CARM1: variants seen among roughly 807,000 people sequenced by gnomAD.
CARM1 encodes coactivator associated arginine methyltransferase 1.
CARM1 carries 14 observed loss-of-function variants against 72.7 expected under a neutral mutation model. The observed-to-expected ratio is 0.19, with a 90% CI of 0.13 to 0.30. The LOEUF is 0.30. Among genes scored for constraint, CARM1 ranks in the 10% least tolerant of loss-of-function variants. The pLI is 1.00. For missense variants in CARM1, 432 were observed against 833.7 expected, an observed-to-expected ratio of 0.52 and a Z score of 5.93; for synonymous variants, 333 against 345.5, an observed-to-expected ratio of 0.96 and a Z score of 0.40.
chr19:10,887,318 C>T (rs528066425), intron 1 of CARM1, among the ~76,000 whole-genome samples: 17 of 152,224 alleles, frequency 1.1e-4, no homozygotes, highest in Non-Finnish European at 1.2e-4. Flanking sequence ...GCCAGGGTCC[C>T]GTCTCCCCTG....
At chr19:10,884,896 G>T (rs892764110) in intron 1 of CARM1, among the ~76,000 whole-genome samples, 3 of 152,076 alleles carry the variant, frequency 2.0e-5, no homozygotes, top group African/African-American at 4.8e-5. Flanking sequence ...GTAGAGACGG[G>T]GTTTCACCCA....
chr19:10,898,927 G>A (rs577859476), intron 1 of CARM1, among the ~76,000 whole-genome samples: 94 of 152,114 alleles, frequency 6.2e-4, no homozygotes, highest in Non-Finnish European at 1.1e-3. Context: ...AGGGTTGAGT[G>A]TGTCCATGGG....
Position 10,921,834 on chromosome 19 carries a change from C to G in CARM1, c.*77C>G. Reference sequence around the variant, plus strand: ...CGCCGCCCCCGCCGGGCGGCTTTCCCCCTTGTACTGGAGAAGCTCGAACAC... The same window carrying G: ...CGCCGCCCCCGCCGGGCGGCTTTCCGCCTTGTACTGGAGAAGCTCGAACAC... On this transcript the variant is annotated 3_prime_UTR_variant, in exon 16 of 16. Coordinates refer to ENST00000327064, the MANE Select transcript of CARM1 (RefSeq NM_199141.2). The G allele has an allele frequency of 7.0e-7, 1 of 1,424,832 alleles. No individual in the cohort carries two copies. Among genetic ancestry groups the G allele is most frequent in the South Asian group, 1.4e-5 (1 of 73,810 alleles). 88.3% of individuals were successfully genotyped at this position (1,424,832 alleles called of 1,614,324 possible). A position where few individuals can be genotyped will look rare whatever the true frequency, so the allele number is the denominator to read the frequency against.
At chr19:10,893,251 G>T (rs1311035658) in intron 1 of CARM1, among the ~76,000 whole-genome samples, 1 of 151,800 alleles carries the variant, frequency 6.6e-6, no homozygotes, top group Admixed American at 6.6e-5. Context: ...TGGCCAGGCT[G>T]GTCTCGAGCT....
intron 1 of CARM1, among the ~76,000 whole-genome samples, chr19:10,873,423 G>A (rs1232137342): frequency 1.3e-5 from 2 of 151,610 alleles, no homozygotes; most frequent in East Asian, 2.0e-4. Context: ...GTGAAACCCC[G>A]TCTCTACTAA....
Position 10,882,123 on chromosome 19 carries a change from G to C in CARM1, c.220+10201G>C, listed in dbSNP as rs115374461. On this transcript the variant is annotated intron_variant, in intron 1 of 15. Transcript: ENST00000327064. ...TGTGCCTCAGTTTCCTTGGCTGTCA[G>C]TTGTGGATCTTGACATCGTCTACCC... is the stretch of plus-strand genomic sequence containing the variant. 1.7e-3 allele frequency among the ~76,000 whole-genome samples: 260 copies of C among 152,330 alleles called. 2 individuals carry two copies. The highest frequency in any genetic ancestry group is 6.0e-3 in the African/African-American group (251 of 41,568).
chr19:10,898,656 C>T (rs1425465902), intron 1 of CARM1, among the ~76,000 whole-genome samples: 2 of 152,242 alleles, frequency 1.3e-5, no homozygotes, highest in Admixed American at 6.5e-5. Context: ...GGCAGGGCTG[C>T]ATCTGTGGCG....
At chr19:10,888,721 C>T (rs1355947484) in intron 1 of CARM1, among the ~76,000 whole-genome samples, 1 of 152,202 alleles carries the variant, frequency 6.6e-6, no homozygotes, top group Non-Finnish European at 1.5e-5. Flanking sequence ...AACCCCAGCT[C>T]ACATCTGCTG....
chr19:10,895,224 C>T (rs750503488), intron 1 of CARM1, among the ~76,000 whole-genome samples: 2 of 152,212 alleles, frequency 1.3e-5, no homozygotes, highest in African/African-American at 4.8e-5. Context: ...CGTGCCTCAG[C>T]CTCCCAAGTA....
At position 10,912,232 on chromosome 19, in the gene CARM1, G is replaced by A. The variant is rs768673985; in HGVS notation, c.607G>A (p.Ala203Thr). ...CTCTGGGATCCTGTCGTTTTTTGCC[G>A]CCCAAGCTGGAGCACGGAAAATCTA... ...CGSGILSFFAAQAGARKIYAV... is the reference protein window; with the variant it reads ...CGSGILSFFATQAGARKIYAV... The change falls in exon 5 of 16, where the codon GCC becomes ACC. Residue 203 changes from alanine to threonine, a missense_variant. By Grantham distance (58) the Ala-to-Thr change is moderately conservative. Around this residue, in one of 3 missense-constraint regions of CARM1, gnomAD observed 152 missense variants for 452.8 expected, o/e 0.34. Transcript: ENST00000327064. The surrounding 1 kb of genome is among the most constrained non-coding windows in gnomAD (Gnocchi z 4.5). The A allele has an allele frequency of 2.5e-6, 4 of 1,613,484 alleles. No homozygotes were observed. The highest frequency in any genetic ancestry group is 1.3e-5 in the African/African-American group (1 of 74,854).
chr19:10,872,059 G>A (rs1245962544), intron 1 of CARM1, 137 bp downstream of exon 1: 6 of 725,010 alleles, frequency 8.3e-6, no homozygotes, highest in Non-Finnish European at 1.1e-5. Context: ...GGCCTGCAGG[G>A]AGCGACCGTG....
chr19:10,916,520 G>T lies in CARM1; in HGVS notation c.938+23G>T. On this transcript the variant is annotated intron_variant, in intron 7 of 15. Transcript: ENST00000327064. The surrounding 1 kb of genome is among the most constrained non-coding windows in gnomAD (Gnocchi z 4.4). The stretch of plus-strand genomic sequence containing the variant: ...CTGGTGAGTGTGCCCTGGGTGTCCC[G>T]CCTGGGCCCCACAGCCTGCCTTCTC... The T allele has an allele frequency of 6.4e-7, 1 of 1,566,900 alleles. No individual in the cohort carries two copies.
In CARM1 at chr19:10,908,180, C is replaced by G. The variant is rs974785222; in HGVS notation, c.453+35C>G. On this transcript the variant is annotated intron_variant, in intron 3 of 15. Coordinates refer to ENST00000327064, the MANE Select transcript of CARM1 (RefSeq NM_199141.2). The stretch of plus-strand genomic sequence containing the variant: ...ACTCCCCCTCAGCCAGGCCGCCTCC[C>G]CCCGGCAGCCCCCCTGCCACTCACC... The G allele has an allele frequency of 2.9e-6, 4 of 1,384,104 alleles. No individual in the cohort carries two copies. In the African/African-American group the frequency reaches 4.3e-5, roughly 15 times the overall value. 85.7% of individuals were successfully genotyped at this position (1,384,104 alleles called of 1,614,324 possible). A position where few individuals can be genotyped will look rare whatever the true frequency, so the allele number is the denominator to read the frequency against.
At position 10,912,175 on chromosome 19, in the gene CARM1, C is replaced by T; in HGVS notation, c.559-9C>T. The T allele has an allele frequency of 1.2e-6, 2 of 1,610,790 alleles. No individual in the cohort carries two copies. The highest frequency in any genetic ancestry group is 1.7e-5 in the Admixed American group (1 of 60,026). On this transcript the variant is annotated splice_polypyrimidine_tract_variant and intron_variant, in intron 4 of 15. Transcript: ENST00000327064. This position sits in a 1 kb window ranked among gnomAD's most constrained non-coding sequence, Gnocchi z 4.5. ...TATGTCTCGCTCTCACCTCCCACTC[C>T]TCCCTCAGATCGTTCTTGATGTTGG...
intron 4 of CARM1, among the ~76,000 whole-genome samples, chr19:10,911,162 AT>A (rs2074147650): frequency 6.6e-6 from 1 of 152,190 alleles, no homozygotes; most frequent in Non-Finnish European, 1.5e-5. Flanking sequence ...AAGTGCTGAG[AT>A]TACAGGTGTG....
At chr19:10,913,188 T>C (rs1391145625) in intron 5 of CARM1, among the ~76,000 whole-genome samples, 1 of 151,608 alleles carries the variant, frequency 6.6e-6, no homozygotes, top group Non-Finnish European at 1.5e-5. Flanking sequence ...CATTGCAACC[T>C]CCACCTCCCG....
At chr19:10,914,107 C>T (rs891548387) in intron 6 of CARM1, 53 bp downstream of exon 6, 62 of 1,515,376 alleles carry the variant, frequency 4.1e-5, no homozygotes, top group Non-Finnish European at 5.3e-5. Flanking sequence ...CCCTGGCTGC[C>T]GCTGAGCCAG....
intron 1 of CARM1, among the ~76,000 whole-genome samples, chr19:10,886,430 A>G (rs534530525): frequency 3.9e-4 from 59 of 152,114 alleles, no homozygotes; most frequent in African/African-American, 1.4e-3. Context: ...TCCTGGGCTC[A>G]TGCAGTCCTC....
At chr19:10,881,047 T>A (rs905776976) in intron 1 of CARM1, among the ~76,000 whole-genome samples, 8 of 152,060 alleles carry the variant, frequency 5.3e-5, no homozygotes, top group Non-Finnish European at 4.4e-5. Context: ...ATGCCTCTAG[T>A]CCCAGCTATT....
Sources: allele counts gnomAD v4.1 joint callset (sites outside exome capture counted in the v4.1 genomes callset), GRCh38; gene constraint gnomAD v4.1.1; regional missense constraint gnomAD v4.1.1; non-coding constraint Gnocchi (gnomAD v3.1); transcripts MANE v1.5; gene names NCBI Gene and HGNC (gene_info 2026-07-23, HGNC 2026-07-21).